The following MACROH2A2 variants were observed in gnomAD, a reference collection of about 807,000 sequenced individuals.
MACROH2A2 encodes core histone macro-H2A.2.
A neutral mutation model predicts 37.6 loss-of-function variants in MACROH2A2; 6 were observed. The observed-to-expected ratio is 0.16, with a 90% CI of 0.09 to 0.32. MACROH2A2 has a LOEUF of 0.32. Among genes scored for constraint, MACROH2A2 ranks in the 10% least tolerant of loss-of-function variants. The pLI is 1.00. For missense variants in MACROH2A2, 290 were observed against 485.9 expected, an observed-to-expected ratio of 0.60 and a Z score of 3.79; for synonymous variants, 192 against 202.7, an observed-to-expected ratio of 0.95 and a Z score of 0.45.
intron 3 of MACROH2A2, 65 bp from the exon 4 acceptor site, chr10:70,091,689 AAAG>A: frequency 4.4e-6 from 5 of 1,123,940 alleles, no homozygotes; most frequent in South Asian, 1.4e-5. Context: ...AAAAAAAAAA[AAAG>A]AACTGTATGA....
At chr10:70,055,414 T>G (rs1207405594) in intron 1 of MACROH2A2, among the ~76,000 whole-genome samples, 1 of 152,210 alleles carries the variant, frequency 6.6e-6, no homozygotes, top group Non-Finnish European at 1.5e-5. Flanking sequence ...GTTGTTTGTT[T>G]TGTTGTTGTT....
intron 8 of MACROH2A2, among the ~76,000 whole-genome samples, 181 bp from the exon 9 acceptor site, chr10:70,111,337 G>A (rs1004706861): frequency 6.6e-6 from 1 of 152,048 alleles, no homozygotes; most frequent in African/African-American, 2.4e-5. Flanking sequence ...CACCTATAAA[G>A]TGGGGGCAAC....
chr10:70,068,128 A>G (rs924195420), intron 1 of MACROH2A2, among the ~76,000 whole-genome samples: 2 of 152,148 alleles, frequency 1.3e-5, no homozygotes, highest in Admixed American at 1.3e-4. Context: ...ACTATGTGCA[A>G]ATATTCCTCA....
Position 70,111,997 on chromosome 10 carries a change from T to TA in MACROH2A2, c.*314_*315insA, listed in dbSNP as rs1404715052. The TA allele has an allele frequency of 5.2e-6, 1 of 191,064 alleles. No homozygotes were observed. The highest frequency in any genetic ancestry group is 2.3e-5 in the African/African-American group (1 of 43,046). The allele number at this position is 191,064 out of a possible 1,614,324, so 11.8% of individuals were successfully genotyped here. ...ACATTCACACAAGAAAAAAATCCTT[T>TA]CAAAATTCTTAAATCTTCTGTTCCT... On this transcript the variant is annotated 3_prime_UTR_variant, in exon 9 of 9. Transcript: ENST00000373255.
intron 1 of MACROH2A2, among the ~76,000 whole-genome samples, chr10:70,070,593 G>C (rs57755795): frequency 6.6e-6 from 1 of 152,146 alleles, no homozygotes; most frequent in Non-Finnish European, 1.5e-5. Context: ...CTGGGTTCAA[G>C]TGATTCTTTT....
chr10:70,101,397 T>C (rs1354544115), intron 7 of MACROH2A2, among the ~76,000 whole-genome samples: 1 of 152,158 alleles, frequency 6.6e-6, no homozygotes, highest in Non-Finnish European at 1.5e-5. Context: ...TCTAGACACA[T>C]TCAGAGCCAC....
Position 70,100,202 on chromosome 10 carries a change from T to C in MACROH2A2, c.689-6T>C. 2.6e-6 allele frequency: 4 copies of C among 1,553,066 alleles called. No individual in the cohort carries two copies. The highest frequency in any genetic ancestry group is 2.7e-6 in the Non-Finnish European group (3 of 1,125,492). On this transcript the variant is annotated splice_polypyrimidine_tract_variant and splice_region_variant and intron_variant, in intron 6 of 8. Transcript: ENST00000373255. ...CACAGTGGCTTCCCATTGCTCTCCT[T>C]TGCAGGTAAAGCCTTGGAAAAGGCT...
intron 4 of MACROH2A2, among the ~76,000 whole-genome samples, chr10:70,092,272 G>A (rs1211450525): frequency 6.6e-6 from 1 of 152,020 alleles, no homozygotes; most frequent in African/African-American, 2.4e-5. Context: ...GGAACTATGA[G>A]AAACAAGTTT....
At chr10:70,067,590 T>G (rs1326472295) in intron 1 of MACROH2A2, among the ~76,000 whole-genome samples, 1 of 152,182 alleles carries the variant, frequency 6.6e-6, no homozygotes, top group Admixed American at 6.5e-5. Context: ...AAAATAAATC[T>G]AGAGTCAAAA....
chr10:70,075,789 G>C lies in MACROH2A2; in HGVS notation c.131G>C (p.Gly44Ala), dbSNP rs1162364305. The C allele has an allele frequency of 6.2e-7, 1 of 1,613,928 alleles. No individual in the cohort carries two copies. Among genetic ancestry groups the C allele is most frequent in the Non-Finnish European group, 8.5e-7 (1 of 1,180,012 alleles). ...ACGTTCAAGTACCGGATCAGCGTGGGCGCCCCTGTCTACATGGCGGCAGTC... is the reference window on the plus strand; with the variant it reads ...ACGTTCAAGTACCGGATCAGCGTGGCCGCCCCTGTCTACATGGCGGCAGTC... ...KGTFKYRISV[G>A]APVYMAAVIE... The change falls in exon 2 of 9, where the codon GGC becomes GCC. Residue 44 changes from glycine to alanine, a missense_variant. Coordinates refer to ENST00000373255, the MANE Select transcript of MACROH2A2 (RefSeq NM_018649.3). This position sits in a 1 kb window ranked among gnomAD's most constrained non-coding sequence, Gnocchi z 5.0.
chr10:70,058,185 T>C (rs902136796), intron 1 of MACROH2A2, among the ~76,000 whole-genome samples: 1 of 152,208 alleles, frequency 6.6e-6, no homozygotes, highest in Non-Finnish European at 1.5e-5. Context: ...TCACAAAGTA[T>C]TAAATAAGAT....
chr10:70,111,641 C>A lies in MACROH2A2; in HGVS notation c.1077C>A (p.Ile359=), dbSNP rs752910150. ...VYFLLFDSES[I]GIYVQEMAKL... The stretch of plus-strand genomic sequence containing the variant: ...TCCTGCTCTTCGACAGCGAGAGCAT[C>A]GGCATCTACGTGCAGGAGATGGCCA... The change falls in exon 9 of 9, where the codon ATC becomes ATA. Residue 359 remains isoleucine (I), a synonymous_variant. Coordinates refer to ENST00000373255, the MANE Select transcript of MACROH2A2 (RefSeq NM_018649.3). 2.5e-6 allele frequency: 4 copies of A among 1,612,986 alleles called. No homozygotes were observed. Among genetic ancestry groups the A allele is most frequent in the Non-Finnish European group, 2.5e-6 (3 of 1,179,576 alleles).
At chr10:70,108,336 G>C (rs761982513) in intron 7 of MACROH2A2, among the ~76,000 whole-genome samples, 1 of 152,192 alleles carries the variant, frequency 6.6e-6, no homozygotes, top group African/African-American at 2.4e-5. Flanking sequence ...AGTTCTGGAG[G>C]CCAGAAGTCC....
At chr10:70,095,869 T>G (rs2072273372) in intron 6 of MACROH2A2, 116 bp downstream of exon 6, 1 of 624,154 alleles carries the variant, frequency 1.6e-6, no homozygotes, top group Non-Finnish European at 2.9e-6. Context: ...CATGTCAAGC[T>G]CTGTCTTTAT....
chr10:70,079,565 G>GCGCGCACGCACACACA (rs1386558755), intron 2 of MACROH2A2, among the ~76,000 whole-genome samples: 2 of 126,216 alleles, frequency 1.6e-5, no homozygotes, highest in African/African-American at 6.5e-5. Flanking sequence ...GCGCGCGCGC[G>GCGCGCACGCACACACA]CACACACACA....
chr10:70,074,509 T>C (rs1428222195), intron 1 of MACROH2A2, among the ~76,000 whole-genome samples: 4 of 152,250 alleles, frequency 2.6e-5, no homozygotes, highest in Non-Finnish European at 5.9e-5. Context: ...CTCTCAGTTA[T>C]GTCTGTCAAA....
chr10:70,110,128 C>T (rs991585772), intron 8 of MACROH2A2, among the ~76,000 whole-genome samples: 4 of 152,244 alleles, frequency 2.6e-5, no homozygotes, highest in South Asian at 2.1e-4. Flanking sequence ...GGTGGAACCA[C>T]GGCAGTGCTG....
At chr10:70,078,366 C>T (rs1273902558) in intron 2 of MACROH2A2, among the ~76,000 whole-genome samples, 1 of 152,226 alleles carries the variant, frequency 6.6e-6, no homozygotes, top group African/African-American at 2.4e-5. Context: ...GTGTCCAGAC[C>T]ATCCTGGGCC....
rs756266957 is a variant in MACROH2A2 at position 70,111,647 on chromosome 10, C to T, written c.1083C>T (p.Ile361=). 5.0e-6 allele frequency: 8 copies of T among 1,613,018 alleles called. No individual in the cohort carries two copies. The highest frequency in any genetic ancestry group is 6.8e-6 in the Non-Finnish European group (8 of 1,179,640). ...TCTTCGACAGCGAGAGCATCGGCAT[C>T]TACGTGCAGGAGATGGCCAAGCTCG... The part of the protein sequence containing the change: ...FLLFDSESIG[I]YVQEMAKLDA... Residue 361 remains isoleucine (I), a synonymous_variant, in exon 9 of 9, where the codon ATC becomes ATT. Transcript: ENST00000373255.
Sources: allele counts gnomAD v4.1 joint callset (sites outside exome capture counted in the v4.1 genomes callset), GRCh38; gene constraint gnomAD v4.1.1; non-coding constraint Gnocchi (gnomAD v3.1); transcripts MANE v1.5; gene names NCBI Gene and HGNC (gene_info 2026-07-23, HGNC 2026-07-21).